The following IPO8 variants were observed in gnomAD, a reference collection of about 807,000 sequenced individuals.
IPO8 encodes the protein importin 8.
A neutral mutation model predicts 141.2 loss-of-function variants in IPO8; 65 were observed. The ratio of observed to expected loss-of-function variants is 0.46; its 90% CI spans 0.38 to 0.57. The LOEUF (loss-of-function observed/expected upper bound fraction) is 0.57, where lower values mean the gene tolerates loss of function less well. Ranked by LOEUF, IPO8 falls within the 20% of genes least tolerant of loss-of-function variation. IPO8 has a pLI of 0.00. For synonymous variants in IPO8, 411 were observed against 420.3 expected (o/e 0.98, Z 0.27); for missense variants, 980 against 1,246.8 (o/e 0.79, Z 3.22).
chr12:30,652,850 G>T, intron 18 of IPO8, 117 bp downstream of exon 18: 2 of 1,001,626 alleles, frequency 2.0e-6, no homozygotes, highest in Non-Finnish European at 2.9e-6. Context: ...TATGTGACCG[G>T]GAAATAAAAA....
At chr12:30,645,179 C>A (rs2052627864) in intron 20 of IPO8, among the ~76,000 whole-genome samples, 1 of 151,550 alleles carries the variant, frequency 6.6e-6, no homozygotes, top group African/African-American at 2.4e-5. Flanking sequence ...TCGAGATCAG[C>A]CTGGCCAACA....
At chr12:30,684,962 C>G (rs2053225375) in intron 2 of IPO8, among the ~76,000 whole-genome samples, 1 of 152,002 alleles carries the variant, frequency 6.6e-6, no homozygotes, top group Non-Finnish European at 1.5e-5. Flanking sequence ...TGAACATCAG[C>G]CATCAAAAAT....
chr12:30,684,319 C>G lies in IPO8; in HGVS notation c.305G>C (p.Arg102Pro). The G allele has an allele frequency of 6.2e-7, 1 of 1,613,928 alleles. No individual in the cohort carries two copies. Among genetic ancestry groups the G allele is most frequent in the Non-Finnish European group, 8.5e-7 (1 of 1,179,926 alleles). Residue 102 changes from arginine to proline, a missense_variant, in exon 3 of 25, where the codon CGG (arginine) becomes CCG (proline). Physicochemically the swap from Arg to Pro is moderately radical, Grantham distance 103 (BLOSUM62 -2). Coordinates refer to ENST00000256079, the MANE Select transcript of IPO8 (RefSeq NM_006390.4). Reference sequence around the variant, plus strand: ...CACATACCTCACTAAATCTGGAGACCGAATTATTCCTTCCACAATGTTATC... The same window carrying G: ...CACATACCTCACTAAATCTGGAGACGGAATTATTCCTTCCACAATGTTATC... The part of the protein sequence containing the change: ...IRDNIVEGII[R>P]SPDLVRVQLT...
chr12:30,639,818 A>C, intron 20 of IPO8, 83 bp from the exon 21 acceptor site: 20 of 911,688 alleles, frequency 2.2e-5, no homozygotes, highest in African/African-American at 3.3e-5. Flanking sequence ...GAGCATTCTC[A>C]ATAAATAAGA....
intron 17 of IPO8, among the ~76,000 whole-genome samples, chr12:30,655,281 C>T (rs1056621753): frequency 2.0e-5 from 3 of 152,142 alleles, no homozygotes; most frequent in Admixed American, 1.3e-4. Context: ...TCTCTCCCAT[C>T]CCCAAGCCCT....
At chr12:30,652,939 C>G in intron 18 of IPO8, 28 bp downstream of exon 18, 2 of 1,564,036 alleles carry the variant, frequency 1.3e-6, no homozygotes, top group Non-Finnish European at 1.7e-6. Flanking sequence ...CACAGAAAAG[C>G]AAAAATTTTA....
Position 30,680,546 on chromosome 12 carries a change from T to C in IPO8, c.575A>G (p.Asp192Gly). ...IQQQIVQLLP[D>G]SSYYSVLLQK... ...CAGTAATACAGAATAATAGGAGGAA[T>C]CAGGAAGGAGCTGAACAATTTGTTG... is the stretch of plus-strand genomic sequence containing the variant. Residue 192 changes from aspartate to glycine, a missense_variant, in exon 5 of 25, where the codon GAT becomes GGT. By Grantham distance (94) the Asp-to-Gly change is moderately conservative. Around this residue, in one of 3 missense-constraint regions of IPO8, gnomAD observed 924 missense variants for 1,153.9 expected, o/e 0.80. Coordinates refer to ENST00000256079, the MANE Select transcript of IPO8 (RefSeq NM_006390.4). 1.2e-6 allele frequency: 2 copies of C among 1,612,616 alleles called. No homozygotes were observed. Among genetic ancestry groups the C allele is most frequent in the Non-Finnish European group, 1.7e-6 (2 of 1,179,034 alleles).
intron 10 of IPO8, among the ~76,000 whole-genome samples, chr12:30,668,014 C>G (rs888643948): frequency 1.3e-5 from 2 of 151,472 alleles, no homozygotes; most frequent in Non-Finnish European, 2.9e-5. Context: ...GCCTGTGGCC[C>G]CAACTACTTG....
intron 19 of IPO8, among the ~76,000 whole-genome samples, chr12:30,651,084 C>G (rs1208287068): frequency 1.3e-5 from 2 of 151,996 alleles, no homozygotes; most frequent in Non-Finnish European, 2.9e-5. Flanking sequence ...ATCAATTTTA[C>G]TATATCTGCA....
intron 2 of IPO8, among the ~76,000 whole-genome samples, chr12:30,685,391 G>A (rs188629155): frequency 1.6e-4 from 24 of 151,408 alleles, no homozygotes; most frequent in African/African-American, 3.4e-4. Flanking sequence ...TGCCTGCCTC[G>A]GCCTCCCAAA....
intron 2 of IPO8, among the ~76,000 whole-genome samples, chr12:30,685,630 TA>T (rs2053233926): frequency 6.6e-6 from 1 of 151,214 alleles, no homozygotes; most frequent in Non-Finnish European, 1.5e-5. Flanking sequence ...TTTTAACATA[TA>T]ACTAAATTCA....
chr12:30,653,197 T>A (rs2052752179), intron 17 of IPO8, 105 bp from the exon 18 acceptor site: 4 of 958,220 alleles, frequency 4.2e-6, no homozygotes, highest in Admixed American at 4.6e-5. Flanking sequence ...AGAGTCCTCC[T>A]CTATCCAATG....
chr12:30,663,713 A>T lies in IPO8; in HGVS notation c.1429-59T>A, dbSNP rs553056769. 1.3e-5 allele frequency: 17 copies of T among 1,290,478 alleles called. No homozygotes were observed. The South Asian group carries it at 2.6e-4, about 20-fold the overall frequency. 79.9% of individuals were successfully genotyped at this position (1,290,478 alleles called of 1,614,324 possible). A position where few individuals can be genotyped will look rare whatever the true frequency, so the allele number is the denominator to read the frequency against. The stretch of plus-strand genomic sequence containing the variant: ...TAGGATTATAGCATTCTGTAATAAT[A>T]TCACAGATATAAGAACTTCTTAGTA... On this transcript the variant is annotated intron_variant, in intron 13 of 24. Coordinates refer to ENST00000256079, the MANE Select transcript of IPO8 (RefSeq NM_006390.4).
rs138574583 is a variant in IPO8 at position 30,637,047 on chromosome 12, G to T, written c.2630C>A (p.Ala877Asp). Residue 877 changes from alanine (A) to aspartate (D), a missense_variant, in exon 22 of 25, where the codon GCT (alanine) becomes GAT (aspartate). By Grantham distance (126) the Ala-to-Asp change is moderately radical. Transcript: ENST00000256079. ...TTCCCGGTTTACCAGTTGTCTAGTAGCACAGACCTGCTTTAGGCCAAGGAA... is the reference window on the plus strand; with the variant it reads ...TTCCCGGTTTACCAGTTGTCTAGTATCACAGACCTGCTTTAGGCCAAGGAA... ...FLFLGLKQVC[A>D]TRQLVNREDR... 2.0e-4 allele frequency: 326 copies of T among 1,613,846 alleles called. No individual in the cohort carries two copies. The highest frequency in any genetic ancestry group is 2.6e-4 in the Non-Finnish European group (309 of 1,179,898).
intron 6 of IPO8, 96 bp from the exon 7 acceptor site, chr12:30,674,849 T>G: frequency 1.2e-6 from 1 of 821,850 alleles, no homozygotes; most frequent in Non-Finnish European, 2.1e-6. Flanking sequence ...GGTTAAGTCA[T>G]ATTAAATGTG....
chr12:30,666,071 A>G (rs1051137715), intron 11 of IPO8, 104 bp downstream of exon 11: 1 of 813,232 alleles, frequency 1.2e-6, no homozygotes, highest in Non-Finnish European at 1.9e-6. Context: ...GTGACAAATT[A>G]TAACGAATAA....
intron 2 of IPO8, 25 bp downstream of exon 2, chr12:30,690,471 T>C: frequency 7.5e-7 from 1 of 1,335,504 alleles, no homozygotes; most frequent in Non-Finnish European, 1.1e-6. Flanking sequence ...TAAATAAATT[T>C]ATAAAGGATA....
chr12:30,649,158 GCACT>G lies in IPO8; in HGVS notation c.2243_2246del (p.Gln748ProfsTer21). 6.2e-7 allele frequency: 1 copy of G among 1,612,336 alleles called. No homozygotes were observed. The highest frequency in any genetic ancestry group is 8.5e-7 in the Non-Finnish European group (1 of 1,178,658). ...TTACCTGATCAATTCCCCTTCCTTT[GCACT>G]GAAGAATGATGACTTCCAGAAGTTT... is the stretch of plus-strand genomic sequence containing the variant. On this transcript the variant is annotated frameshift_variant, in exon 20 of 25. Coordinates refer to ENST00000256079, the MANE Select transcript of IPO8 (RefSeq NM_006390.4). LOFTEE classifies it high-confidence loss of function.
chr12:30,652,426 A>G (rs1374845160), intron 18 of IPO8, 137 bp from the exon 19 acceptor site: 26 of 646,032 alleles, frequency 4.0e-5, no homozygotes, highest in South Asian at 2.8e-4. Flanking sequence ...AATGAAAGTA[A>G]TAAGTCTGAT....
Sources: gnomAD v4.1 joint callset for allele counts (sites outside exome capture counted in the v4.1 genomes callset) on GRCh38, gnomAD v4.1.1 for gene constraint, gnomAD v4.1.1 regional missense constraint, MANE v1.5 for transcripts, NCBI Gene and HGNC (gene_info 2026-07-23, HGNC 2026-07-21) for gene names.